Variants in TTLL12 observed in about 807,000 individuals in gnomAD.
The protein encoded by TTLL12 is tubulin--tyrosine ligase-like protein 12.
In TTLL12, 77 loss-of-function variants were observed where a neutral mutation model predicts 79.6. The ratio of observed to expected loss-of-function variants is 0.97; its 90% CI spans 0.81 to 1.17. TTLL12 has a LOEUF of 1.17. Among genes scored for constraint, TTLL12 ranks in the 50% most tolerant of loss-of-function variants. The pLI is 0.00. For synonymous variants in TTLL12, 437 were observed against 376.1 expected (o/e 1.16, Z -1.87); for missense variants, 969 against 895.9 (o/e 1.08, Z -1.04).
Position 43,167,806 on chromosome 22 carries a change from C to T in TTLL12, c.*202G>A. 1 of 595,038 alleles carries T rather than the reference C, an allele frequency of 1.7e-6. No individual in the cohort carries two copies. The highest frequency in any genetic ancestry group is 3.1e-5 in the Admixed American group (1 of 32,724). The allele number at this position is 595,038 out of a possible 1,614,324, so 36.9% of individuals were successfully genotyped here. ...TCAGCCCTGGGGACACCATCACTGT[C>T]CTGCTCTGACCCACAGGTGAGAGGA... On this transcript the variant is annotated 3_prime_UTR_variant, in exon 14 of 14. Transcript: ENST00000216129.
intron 1 of TTLL12, chr22:43,185,974 G>A: frequency 2.0e-6 from 2 of 985,458 alleles, no homozygotes; most frequent in Non-Finnish European, 2.4e-6. Flanking sequence ...CACGTTTCCA[G>A]CAGGAAGGTT....
At chr22:43,181,752 T>C (rs1932062150) in intron 2 of TTLL12, among the ~76,000 whole-genome samples, 1 of 152,202 alleles carries the variant, frequency 6.6e-6, no homozygotes, top group African/African-American at 2.4e-5. Context: ...TTCCAGTTCT[T>C]AGGCTGGGGG....
chr22:43,167,991 T>C lies in TTLL12; in HGVS notation c.*17A>G, dbSNP rs1931661085. On this transcript the variant is annotated 3_prime_UTR_variant, in exon 14 of 14. Transcript: ENST00000216129. Reference sequence around the variant, plus strand: ...TGGAATCCTGCCCCAAGCACAGGTTTTGGGGACAGCGAGTGCCTAGACAAG... The same window carrying C: ...TGGAATCCTGCCCCAAGCACAGGTTCTGGGGACAGCGAGTGCCTAGACAAG... 6.2e-7 allele frequency: 1 copy of C among 1,610,946 alleles called. No homozygotes were observed. Among genetic ancestry groups the C allele is most frequent in the African/African-American group, 1.3e-5 (1 of 74,980 alleles).
At chr22:43,184,231 T>C (rs921286043) in intron 1 of TTLL12, among the ~76,000 whole-genome samples, 4 of 152,220 alleles carry the variant, frequency 2.6e-5, no homozygotes, top group African/African-American at 9.7e-5. Flanking sequence ...CACTACTCGA[T>C]TAAAAACGGC....
intron 1 of TTLL12, among the ~76,000 whole-genome samples, chr22:43,185,138 G>A (rs1372797098): frequency 6.6e-6 from 1 of 151,544 alleles, no homozygotes; most frequent in Non-Finnish European, 1.5e-5. Flanking sequence ...TGAGGCAGGA[G>A]AATCATTTGA....
chr22:43,171,028 G>A (rs1272634716), intron 11 of TTLL12, among the ~76,000 whole-genome samples: 4 of 152,240 alleles, frequency 2.6e-5, no homozygotes, highest in Non-Finnish European at 4.4e-5. Context: ...ACAGCCACAC[G>A]TTCAGGGGTC....
Position 43,171,854 on chromosome 22 carries a change from C to G in TTLL12, c.1540G>C (p.Val514Leu). The G allele has an allele frequency of 6.2e-7, 1 of 1,614,198 alleles. No homozygotes were observed. The highest frequency in any genetic ancestry group is 8.5e-7 in the Non-Finnish European group (1 of 1,180,024). Residue 514 changes from valine to leucine, a missense_variant, in exon 11 of 14, where the codon GTC becomes CTC. Transcript: ENST00000216129. ...ACCACATCCGGGTCATAGTTCATGACCGTGAAGTGCTTCTCGTAGTCATCC... is the reference window on the plus strand; with the variant it reads ...ACCACATCCGGGTCATAGTTCATGAGCGTGAAGTGCTTCTCGTAGTCATCC... ...DLDDYEKHFT[V>L]MNYDPDVVLK...
At position 43,175,995 on chromosome 22, in the gene TTLL12, T is replaced by G. The variant is rs1601771203; in HGVS notation, c.917+325A>C. Reference sequence around the variant, plus strand: ...GAACCACTATGCCTGGCCTCATAGGTGAGGTGTGAAACCTGGGAGGTGGAG... The same window carrying G: ...GAACCACTATGCCTGGCCTCATAGGGGAGGTGTGAAACCTGGGAGGTGGAG... On this transcript the variant is annotated intron_variant, in intron 6 of 13. Transcript: ENST00000216129. Among the ~76,000 whole-genome samples, 6 of 151,204 alleles carry G rather than the reference T, an allele frequency of 4.0e-5. No homozygotes were observed. In the South Asian group the frequency reaches 1.3e-3, roughly 32 times the overall value.
In TTLL12 at chr22:43,171,852, G is replaced by T. The variant is rs772136440; in HGVS notation, c.1542C>A (p.Val514=). The T allele has an allele frequency of 6.2e-7, 1 of 1,614,160 alleles. No homozygotes were observed. Among genetic ancestry groups the T allele is most frequent in the South Asian group, 1.1e-5 (1 of 91,064 alleles). The change falls in exon 11 of 14, where the codon GTC becomes GTA. Residue 514 remains valine, a synonymous_variant. Transcript: ENST00000216129. ...GCACCACATCCGGGTCATAGTTCAT[G>T]ACCGTGAAGTGCTTCTCGTAGTCAT... The part of the protein sequence containing the change: ...DLDDYEKHFT[V]MNYDPDVVLK...
intron 1 of TTLL12, 133 bp downstream of exon 1, chr22:43,186,760 G>A (rs1932194886): frequency 1.1e-6 from 1 of 918,978 alleles, no homozygotes; most frequent in Non-Finnish European, 1.4e-6. Context: ...CCGCTCCAGA[G>A]CTGCCCAGGA....
Position 43,172,477 on chromosome 22 carries a change from G to A in TTLL12, c.1419C>T (p.Tyr473=). The A allele has an allele frequency of 6.2e-7, 1 of 1,614,178 alleles. No individual in the cohort carries two copies. Among genetic ancestry groups the A allele is most frequent in the Non-Finnish European group, 8.5e-7 (1 of 1,180,038 alleles). ...GCCTCACTGACCGCAGCAGCACGAT[G>A]TAGCGGATGTCGAACTTGACCTTTC... is the stretch of plus-strand genomic sequence containing the variant. ...DVGKVKFDIR[Y]IVLLRSVRPL... is the part of the protein sequence containing the mutation. Residue 473 remains tyrosine, a synonymous_variant, in exon 10 of 14, where the codon TAC becomes TAT. Transcript: ENST00000216129.
chr22:43,177,343 T>C (rs1931941014), intron 5 of TTLL12, among the ~76,000 whole-genome samples: 1 of 151,766 alleles, frequency 6.6e-6, no homozygotes, highest in African/African-American at 2.4e-5. Context: ...TACTCTAGCC[T>C]GGACAAAAGC....
rs899494449 is a variant in TTLL12, at chr22:43,172,601, C to A, written c.1342-47G>T. 6 of 1,609,904 alleles carry A rather than the reference C, an allele frequency of 3.7e-6. No individual in the cohort carries two copies. The African/African-American group carries it at 6.7e-5, about 18-fold the overall frequency. ...TCGCTGGTGGCCAGGACAGAGCCCC[C>A]TGGGGCTCCCGAGCACACAAAGCCA... is the stretch of plus-strand genomic sequence containing the variant. On this transcript the variant is annotated intron_variant, in intron 9 of 13. Transcript: ENST00000216129.
chr22:43,183,703 G>A (rs1260204538), intron 1 of TTLL12, among the ~76,000 whole-genome samples: 1 of 152,246 alleles, frequency 6.6e-6, no homozygotes, highest in Non-Finnish European at 1.5e-5. Flanking sequence ...AAGGTGGGAT[G>A]GGGAGATAAG....
At chr22:43,168,204 C>T (rs1474757143) in intron 13 of TTLL12, 45 bp from the exon 14 acceptor site, 3 of 1,600,522 alleles carry the variant, frequency 1.9e-6, no homozygotes, top group Non-Finnish European at 2.6e-6. Context: ...CGTTGGCCTC[C>T]ACTCTGCAGG....
Position 43,179,742 on chromosome 22 carries a change from G to T in TTLL12, c.717C>A (p.Thr239=), listed in dbSNP as rs368989840. 12 of 1,562,342 alleles carry T rather than the reference G, an allele frequency of 7.7e-6. No individual in the cohort carries two copies. The African/African-American group carries it at 9.6e-5, about 12-fold the overall frequency. The change falls in exon 5 of 14, where the codon ACC becomes ACA. Residue 239 remains threonine (T), a synonymous_variant. Coordinates refer to ENST00000216129, the MANE Select transcript of TTLL12 (RefSeq NM_015140.4). ...LRDLDTGEEV[T]RDFAYGETDP... ...CCGTCTCTCCGTAGGCAAAGTCTCG[G>T]GTCACCTCCTCTGTGCCAAGACATG...
intron 11 of TTLL12, 150 bp from the exon 12 acceptor site, chr22:43,169,718 G>A (rs1601766410): frequency 2.7e-6 from 2 of 741,486 alleles, no homozygotes; most frequent in East Asian, 2.7e-5. Context: ...GGTCCAAACA[G>A]GAGGCAGGAG....
chr22:43,185,305 G>C (rs114078634), intron 1 of TTLL12, among the ~76,000 whole-genome samples: 25,946 of 125,566 alleles, frequency 0.21, 3,134 homozygotes, highest in Non-Finnish European at 0.24. Context: ...ATATATGTAT[G>C]TATCTTCAAG....
Position 43,173,782 on chromosome 22 carries a change from C to A in TTLL12, c.1274G>T (p.Arg425Leu), listed in dbSNP as rs774841476. 1.2e-6 allele frequency: 2 copies of A among 1,604,882 alleles called. No homozygotes were observed. Among genetic ancestry groups the A allele is most frequent in the East Asian group, 2.2e-5 (1 of 44,864 alleles). Reference protein sequence around the residue: ...HWICKPWNLARSLDTHVTKSL... With the variant: ...HWICKPWNLALSLDTHVTKSL... The stretch of plus-strand genomic sequence containing the variant: ...CTTGGTGACGTGGGTGTCCAGGCTG[C>A]GCGCCAGGTTCCAGGGCTTGCAGAT... Residue 425 changes from arginine to leucine, a missense_variant, in exon 9 of 14, where the codon CGC becomes CTC. Coordinates refer to ENST00000216129, the MANE Select transcript of TTLL12 (RefSeq NM_015140.4).
Sources: gnomAD v4.1 joint callset for allele counts (sites outside exome capture counted in the v4.1 genomes callset) on GRCh38, gnomAD v4.1.1 for gene constraint, MANE v1.5 for transcripts, NCBI Gene and HGNC (gene_info 2026-07-23, HGNC 2026-07-21) for gene names.